Variants in LAMB1 observed in about 807,000 individuals in gnomAD.
The protein encoded by LAMB1 is laminin subunit beta 1.
Under a neutral mutation model 222.3 loss-of-function variants are expected in LAMB1, and 121 were observed. That is an observed-to-expected ratio of 0.54 (90% CI 0.47 to 0.63). The LOEUF (loss-of-function observed/expected upper bound fraction) is 0.63, where lower values mean the gene tolerates loss of function less well. Ranked by LOEUF, LAMB1 falls within the 30% of genes least tolerant of loss-of-function variation. The probability of loss-of-function intolerance (pLI) is 0.00; values close to 1 mark genes in which losing one functional copy is unlikely to be tolerated. For missense variants in LAMB1, 2,172 were observed against 2,240.8 expected, an observed-to-expected ratio of 0.97 and a Z score of 0.62; for synonymous variants, 794 against 807.2, an observed-to-expected ratio of 0.98 and a Z score of 0.28.
intron 5 of LAMB1, among the ~76,000 whole-genome samples, chr7:107,987,577 T>C (rs1350541969): frequency 2.0e-5 from 3 of 152,222 alleles, no homozygotes; most frequent in Admixed American, 6.5e-5. Context: ...CTCAGTTCAA[T>C]GCATCCTCCG....
intron 29 of LAMB1, among the ~76,000 whole-genome samples, chr7:107,930,662 A>G (rs1463304846): frequency 1.3e-5 from 2 of 152,168 alleles, no homozygotes; most frequent in Non-Finnish European, 2.9e-5. Context: ...CTCCTTTTTA[A>G]AAAGATGCAA....
intron 20 of LAMB1, among the ~76,000 whole-genome samples, chr7:107,957,220 T>C (rs2033396373): frequency 6.6e-6 from 1 of 152,054 alleles, no homozygotes; most frequent in African/African-American, 2.4e-5. Flanking sequence ...TGAAACCCCA[T>C]CTCCCTTAAA....
chr7:107,998,891 A>G (rs779595742), intron 3 of LAMB1, among the ~76,000 whole-genome samples: 1 of 152,244 alleles, frequency 6.6e-6, no homozygotes, highest in Non-Finnish European at 1.5e-5. Context: ...GAAAGAAAAA[A>G]ATACAGTTCA....
At position 107,975,879 on chromosome 7, in the gene LAMB1, T is replaced by C; in HGVS notation, c.1001-2A>G. The C allele has an allele frequency of 6.2e-7, 1 of 1,613,034 alleles. No homozygotes were observed. The highest frequency in any genetic ancestry group is 2.2e-5 in the East Asian group (1 of 44,834). Reference sequence around the variant, plus strand: ...TGGAATGTTCATTGCAGTTACATTCTGCGTGACAAGAGCAACGTCAAGAAA... The same window carrying C: ...TGGAATGTTCATTGCAGTTACATTCCGCGTGACAAGAGCAACGTCAAGAAA... On this transcript the variant is annotated splice_acceptor_variant, in intron 9 of 33. Coordinates refer to ENST00000222399, the MANE Select transcript of LAMB1 (RefSeq NM_002291.3). LOFTEE classifies it high-confidence loss of function.
At chr7:107,945,604 G>A (rs1430801627) in intron 24 of LAMB1, among the ~76,000 whole-genome samples, 1 of 152,222 alleles carries the variant, frequency 6.6e-6, no homozygotes, top group Non-Finnish European at 1.5e-5. Flanking sequence ...CCCCAGGCTT[G>A]TGGAAACAGC....
At chr7:107,956,317 G>A (rs1488038703) in intron 20 of LAMB1, among the ~76,000 whole-genome samples, 2 of 152,186 alleles carry the variant, frequency 1.3e-5, no homozygotes, top group Non-Finnish European at 2.9e-5. Context: ...ATTTACTATG[G>A]GAACAGTGGT....
chr7:107,988,789 C>T (rs1370838834), intron 5 of LAMB1, among the ~76,000 whole-genome samples: 1 of 152,156 alleles, frequency 6.6e-6, no homozygotes, highest in Non-Finnish European at 1.5e-5. Flanking sequence ...TGTGAAGACA[C>T]AGGGAGAAGA....
intron 7 of LAMB1, among the ~76,000 whole-genome samples, chr7:107,981,441 T>A (rs1349431920): frequency 2.5e-5 from 3 of 119,848 alleles, no homozygotes; most frequent in Non-Finnish European, 3.6e-5. Context: ...AGAGCAAAAC[T>A]GTTTAAAAAA....
At position 107,960,665 on chromosome 7, in the gene LAMB1, A is replaced by G. The variant is rs2033479515; in HGVS notation, c.2110-16T>C. Reference sequence around the variant, plus strand: ...TGAGAACAAGCTGTGAAGAAATGAGAACGGCCAAACATCCTTACAGTGGTG... The same window carrying G: ...TGAGAACAAGCTGTGAAGAAATGAGGACGGCCAAACATCCTTACAGTGGTG... On this transcript the variant is annotated splice_polypyrimidine_tract_variant and intron_variant, in intron 17 of 33. Coordinates refer to ENST00000222399, the MANE Select transcript of LAMB1 (RefSeq NM_002291.3). 6.2e-7 allele frequency: 1 copy of G among 1,610,614 alleles called. No homozygotes were observed. The highest frequency in any genetic ancestry group is 8.5e-7 in the Non-Finnish European group (1 of 1,176,744).
chr7:107,962,389 TC>T, intron 15 of LAMB1, among the ~76,000 whole-genome samples: 1 of 152,284 alleles, frequency 6.6e-6, no homozygotes, highest in South Asian at 2.1e-4. Flanking sequence ...TCACAAAAGA[TC>T]ACTACGTTTG....
At chr7:107,970,505 A>AC (rs386418403) in intron 13 of LAMB1, among the ~76,000 whole-genome samples, 1 of 108,790 alleles carries the variant, frequency 9.2e-6, no homozygotes, top group South Asian at 3.4e-4. Context: ...AAAAAAAAAA[A>AC]GGGGGGGGTG....
intron 14 of LAMB1, 31 bp downstream of exon 14, chr7:107,964,521 T>A: frequency 1.9e-6 from 3 of 1,613,766 alleles, no homozygotes. Context: ...AAACACTGCT[T>A]TACCGACCTG....
intron 27 of LAMB1, among the ~76,000 whole-genome samples, chr7:107,933,083 G>A (rs761868217): frequency 2.0e-5 from 3 of 152,156 alleles, no homozygotes; most frequent in Non-Finnish European, 4.4e-5. Context: ...ACCCCCGACT[G>A]CCATCACACA....
intron 12 of LAMB1, 40 bp downstream of exon 12, chr7:107,974,946 C>T (rs1562998597): frequency 2.6e-6 from 3 of 1,173,862 alleles, no homozygotes; most frequent in Non-Finnish European, 2.5e-6. Context: ...ACATGTCATC[C>T]TCACCAACCA....
intron 26 of LAMB1, among the ~76,000 whole-genome samples, chr7:107,936,787 A>G (rs909853006): frequency 6.6e-5 from 10 of 150,890 alleles, no homozygotes; most frequent in African/African-American, 2.2e-4. Context: ...CCCCCTTCCA[A>G]GAAAAGGCCA....
At position 107,943,595 on chromosome 7, in the gene LAMB1, G is replaced by A. The variant is rs1257023270; in HGVS notation, c.3392-3237C>T. On this transcript the variant is annotated intron_variant, in intron 24 of 33. Coordinates refer to ENST00000222399, the MANE Select transcript of LAMB1 (RefSeq NM_002291.3). ...CTTGGGTAGGTATCAGAATCACCTG[G>A]AAGGTTCATAAAAAACAGATTGCTT... Among the ~76,000 whole-genome samples, 9 of 152,112 alleles carry A rather than the reference G, an allele frequency of 5.9e-5. No homozygotes were observed. The South Asian group carries it at 1.9e-3, about 32-fold the overall frequency.
chr7:107,987,308 T>C (rs1357220389), intron 5 of LAMB1, among the ~76,000 whole-genome samples: 2 of 152,144 alleles, frequency 1.3e-5, no homozygotes, highest in African/African-American at 2.4e-5. Context: ...AGAGGGACAG[T>C]GGCCACAGAA....
At chr7:107,980,424 C>T (rs947480265) in intron 8 of LAMB1, among the ~76,000 whole-genome samples, 185 bp downstream of exon 8, 6 of 152,120 alleles carry the variant, frequency 3.9e-5, no homozygotes, top group Admixed American at 6.5e-5. Context: ...GTACATTCTC[C>T]GTGTCCAAGA....
rs111712463 is a variant in LAMB1 at position 107,931,706 on chromosome 7, T to C, written c.4393-206A>G. ...GAGATTCCTAAACAGTATTCTGATA[T>C]AAATAGAACTAGCATTTAAAATTTT... On this transcript the variant is annotated intron_variant, in intron 28 of 33. Coordinates refer to ENST00000222399, the MANE Select transcript of LAMB1 (RefSeq NM_002291.3). 2,273 of 563,336 alleles carry C rather than the reference T, an allele frequency of 4.0e-3. 9 individuals are homozygous for C. The highest frequency in any genetic ancestry group is 5.6e-3 in the Non-Finnish European group (1,830 of 325,728). 34.9% of individuals were successfully genotyped at this position (563,336 alleles called of 1,614,324 possible).
Sources: gnomAD v4.1 joint callset for allele counts (sites outside exome capture counted in the v4.1 genomes callset) on GRCh38, gnomAD v4.1.1 for gene constraint, MANE v1.5 for transcripts, NCBI Gene and HGNC (gene_info 2026-07-23, HGNC 2026-07-21) for gene names.